Variants in DST observed in about 807,000 individuals in gnomAD.
DST encodes dystonin, also known as bullous pemphigoid antigen.
DST carries 253 observed loss-of-function variants against 875.2 expected under a neutral mutation model. The ratio of observed to expected loss-of-function variants is 0.29; its 90% CI spans 0.26 to 0.32. The LOEUF (loss-of-function observed/expected upper bound fraction) is 0.32. DST is among the 10% of genes least tolerant of loss of function. The pLI is 1.00. For missense variants in DST, 8,287 were observed against 9,111.6 expected, an observed-to-expected ratio of 0.91 and a Z score of 3.68; for synonymous variants, 3,124 against 3,197.1, an observed-to-expected ratio of 0.98 and a Z score of 0.77.
At chr6:56,478,987 A>G (rs1435386632) in intron 90 of DST, among the ~76,000 whole-genome samples, 1 of 152,232 alleles carries the variant, frequency 6.6e-6, no homozygotes, top group African/African-American at 2.4e-5. Context: ...CAGTTAACCT[A>G]CAGAATGGGA....
At chr6:56,689,817 A>G (rs1012320762) in intron 9 of DST, among the ~76,000 whole-genome samples, 1 of 152,196 alleles carries the variant, frequency 6.6e-6, no homozygotes, top group African/African-American at 2.4e-5. Context: ...TGATGAAAAC[A>G]ACTATCTTTG....
At chr6:56,703,139 C>T (rs2099317736) in intron 7 of DST, among the ~76,000 whole-genome samples, 1 of 152,168 alleles carries the variant, frequency 6.6e-6, no homozygotes, top group African/African-American at 2.4e-5. Context: ...CTTTTAAATA[C>T]ATGTGATATA....
At position 56,642,459 on chromosome 6, in the gene DST, C is replaced by A. The variant is rs1410816653; in HGVS notation, c.1823G>T (p.Ser608Ile). The A allele has an allele frequency of 1.2e-6, 2 of 1,613,798 alleles. No homozygotes were observed. The highest frequency in any genetic ancestry group is 1.7e-6 in the Non-Finnish European group (2 of 1,179,694). ...QQIANRVQRD[S>I]VICEDKLILA... is the part of the protein sequence containing the mutation. ...AATCAGTTTGTCTTCACAGATGACA[C>A]TGTCCCTCTGAACTCTGTTGGCAAT... The change falls in exon 16 of 104, where the codon AGT becomes ATT. Residue 608 changes from serine (S) to isoleucine (I), a missense_variant. Ser to Ile is a moderately radical substitution (Grantham distance 142). This residue lies in a region of DST where 1,160 missense variants were observed against 1,424.3 expected (regional missense o/e 0.81). Coordinates refer to ENST00000680361, the MANE Select transcript of DST (RefSeq NM_001374736.1).
chr6:56,917,583 C>G (rs773621522), intron 2 of DST, among the ~76,000 whole-genome samples: 1 of 152,200 alleles, frequency 6.6e-6, no homozygotes, highest in Non-Finnish European at 1.5e-5. Flanking sequence ...ATTTTTGTTA[C>G]CTTCTCTTGC....
intron 49 of DST, among the ~76,000 whole-genome samples, chr6:56,582,744 C>T (rs190105379): frequency 3.3e-5 from 5 of 152,124 alleles, no homozygotes; most frequent in African/African-American, 4.8e-5. Flanking sequence ...ATCTCTCCCC[C>T]CTACCCCCAC....
intron 59 of DST, 31 bp from the exon 60 acceptor site, chr6:56,555,871 T>G (rs747756078): frequency 2.4e-5 from 35 of 1,441,762 alleles, no homozygotes; most frequent in Non-Finnish European, 3.1e-5. Context: ...AAACGCAAAT[T>G]ATTATATAAT....
At chr6:56,824,279 G>A (rs578090666) in intron 4 of DST, among the ~76,000 whole-genome samples, 206 of 152,332 alleles carry the variant, frequency 1.4e-3, no homozygotes, top group African/African-American at 3.7e-3. Flanking sequence ...TCGAGGTGCC[G>A]GGATTGCAGA....
At chr6:56,791,261 AAAAC>A (rs1396120289) in intron 4 of DST, among the ~76,000 whole-genome samples, 3 of 152,212 alleles carry the variant, frequency 2.0e-5, no homozygotes, top group African/African-American at 4.8e-5. Flanking sequence ...TCCGTCTCAA[AAAAC>A]AAACAAATAA....
At chr6:56,573,395 G>A (rs2097806835) in intron 51 of DST, among the ~76,000 whole-genome samples, 1 of 152,180 alleles carries the variant, frequency 6.6e-6, no homozygotes, top group Admixed American at 6.5e-5. Flanking sequence ...AACCTCATGT[G>A]CAGCTGGCTG....
In DST at chr6:56,473,986, A is replaced by G; in HGVS notation, c.21881T>C (p.Met7294Thr). ...ATCAACATCAGGCTGTTTTCTGGTC[A>G]TTTCCTCCATGAAGGTCTGAAATGA... ...IAEHQTFMEE[M>T]TRKQPDVDKV... Residue 7294 changes from methionine to threonine, a missense_variant, in exon 93 of 104, where the codon ATG becomes ACG. This residue lies in a region of DST where 1,292 missense variants were observed against 1,552.7 expected (regional missense o/e 0.83). Transcript: ENST00000680361. The G allele has an allele frequency of 2.5e-6, 4 of 1,578,210 alleles. No homozygotes were observed. The highest frequency in any genetic ancestry group is 3.4e-6 in the Non-Finnish European group (4 of 1,159,690).
At chr6:56,569,709 C>T in intron 54 of DST, 147 bp downstream of exon 54, 1 of 541,052 alleles carries the variant, frequency 1.8e-6, no homozygotes, top group Non-Finnish European at 2.9e-6. Context: ...AAGCCCCATG[C>T]CATGATTTCC....
intron 4 of DST, among the ~76,000 whole-genome samples, chr6:56,777,745 C>G (rs1289589501): frequency 6.6e-6 from 1 of 151,752 alleles, no homozygotes; most frequent in Non-Finnish European, 1.5e-5. Context: ...GATTTGTTGC[C>G]CAGGCTGGAG....
chr6:56,816,091 C>T (rs1382004851), intron 4 of DST, among the ~76,000 whole-genome samples: 4 of 152,142 alleles, frequency 2.6e-5, no homozygotes, highest in African/African-American at 9.7e-5. Context: ...CATCTCTGAT[C>T]AAAGGGGCAA....
intron 48 of DST, among the ~76,000 whole-genome samples, chr6:56,592,719 A>G (rs1430460993): frequency 6.6e-6 from 1 of 152,204 alleles, no homozygotes; most frequent in Non-Finnish European, 1.5e-5. Flanking sequence ...AAGGTGCTTA[A>G]TAAATTTCTA....
Position 56,714,202 on chromosome 6 carries a change from GAT to G in DST, c.688-9835_688-9834del, listed in dbSNP as rs1484142639. On this transcript the variant is annotated intron_variant, in intron 5 of 103. Transcript: ENST00000680361. This position sits in a 1 kb window ranked among gnomAD's most constrained non-coding sequence, Gnocchi z 4.5. Reference sequence around the variant, plus strand: ...CACCCAAAATCATATCTGGGGAACTGATATGTTTGGAATGGAATTATAAATAC... The same window carrying G: ...CACCCAAAATCATATCTGGGGAACTGATGTTTGGAATGGAATTATAAATAC... 1.3e-5 allele frequency among the ~76,000 whole-genome samples: 2 copies of G among 152,270 alleles called. No homozygotes were observed. The highest frequency in any genetic ancestry group is 1.9e-4 in the East Asian group (1 of 5,184).
intron 3 of DST, among the ~76,000 whole-genome samples, chr6:56,898,331 A>T (rs1296355229): frequency 2.0e-5 from 3 of 152,238 alleles, no homozygotes; most frequent in Non-Finnish European, 4.4e-5. Flanking sequence ...AAAACATTCA[A>T]GGGCAAAGTA....
chr6:56,784,013 G>C (rs2099699899), intron 4 of DST, among the ~76,000 whole-genome samples: 1 of 152,042 alleles, frequency 6.6e-6, no homozygotes, highest in South Asian at 2.1e-4. Flanking sequence ...TGAAATTCTG[G>C]GTTGAAAATT....
chr6:56,887,832 A>G (rs1183905838), intron 3 of DST, among the ~76,000 whole-genome samples: 1 of 152,182 alleles, frequency 6.6e-6, no homozygotes, highest in Non-Finnish European at 1.5e-5. Context: ...TGAGTTGTTT[A>G]TAGAGACTAA....
At chr6:56,768,770 G>C (rs1185178868) in intron 4 of DST, among the ~76,000 whole-genome samples, 1 of 152,118 alleles carries the variant, frequency 6.6e-6, no homozygotes, top group Non-Finnish European at 1.5e-5. Context: ...CAGACTAAGA[G>C]AAAATATTTG....
Sources: gnomAD v4.1 joint callset for allele counts (sites outside exome capture counted in the v4.1 genomes callset) on GRCh38, gnomAD v4.1.1 for gene constraint, gnomAD v4.1.1 regional missense constraint, Gnocchi (gnomAD v3.1) non-coding constraint, MANE v1.5 for transcripts, NCBI Gene and HGNC (gene_info 2026-07-23, HGNC 2026-07-21) for gene names.